Variants in CELF2 observed in about 807,000 individuals in gnomAD.
CELF2 encodes the protein CUG triplet repeat RNA-binding protein 2.
Under a neutral mutation model 62.6 loss-of-function variants are expected in CELF2, and 8 were observed. The ratio of observed to expected loss-of-function variants is 0.13; its 90% CI spans 0.07 to 0.23. CELF2 has a LOEUF of 0.23. Among genes scored for constraint, CELF2 ranks in the 10% least tolerant of loss-of-function variants. The probability of loss-of-function intolerance (pLI) is 1.00; values close to 1 mark genes in which losing one functional copy is unlikely to be tolerated. For missense variants in CELF2, 333 were observed against 671.0 expected, an observed-to-expected ratio of 0.50 and a Z score of 5.56; for synonymous variants, 258 against 250.0, an observed-to-expected ratio of 1.03 and a Z score of -0.30.
intron 3 of CELF2, among the ~76,000 whole-genome samples, chr10:11,240,163 A>G (rs57008781): frequency 1.3e-5 from 2 of 152,358 alleles, no homozygotes; most frequent in African/African-American, 4.8e-5. Flanking sequence ...TGCCTCCATC[A>G]TGGAATTGGC....
At chr10:10,539,050 T>C in the CELF2 span, among the ~76,000 whole-genome samples, 1 of 152,232 alleles carries the variant, frequency 6.6e-6, no homozygotes. Context: ...ATCCAGATGC[T>C]TTATGAAATG....
chr10:10,730,386 A>C, the CELF2 span, among the ~76,000 whole-genome samples: 2 of 152,214 alleles, frequency 1.3e-5, no homozygotes, highest in African/African-American at 4.8e-5. Flanking sequence ...CTGAGGCAGG[A>C]GAATCGCTTG....
At position 11,332,883 on chromosome 10, in the gene CELF2, T is replaced by C. The variant is rs1473653874; in HGVS notation, c.*3830T>C. 6.5e-6 allele frequency: 1 copy of C among 152,672 alleles called. No homozygotes were observed. The highest frequency in any genetic ancestry group is 1.5e-5 in the Non-Finnish European group (1 of 68,046). 9.5% of individuals were successfully genotyped at this position (152,672 alleles called of 1,614,324 possible). The stretch of plus-strand genomic sequence containing the variant: ...CCTCTGAGGGCTATTTTGTACTTTC[T>C]GCAGCAATCAGCTTAATAACAACAC... On this transcript the variant is annotated 3_prime_UTR_variant, in exon 13 of 13. Transcript: ENST00000633077.
chr10:10,977,489 T>C (rs1416847886), intron 2 of CELF2, among the ~76,000 whole-genome samples: 1 of 152,204 alleles, frequency 6.6e-6, no homozygotes, highest in East Asian at 1.9e-4. Flanking sequence ...AAACCCAGAA[T>C]GTCAGTTGGG....
chr10:10,502,387 T>A, the CELF2 span, among the ~76,000 whole-genome samples: 2 of 152,014 alleles, frequency 1.3e-5, no homozygotes, highest in Non-Finnish European at 2.9e-5. Context: ...AATTCTCCAA[T>A]GAAACCCTCT....
chr10:11,132,072 T>C (rs1013490647), intron 1 of CELF2, among the ~76,000 whole-genome samples: 7 of 152,246 alleles, frequency 4.6e-5, no homozygotes, highest in African/African-American at 1.7e-4. Flanking sequence ...TCTGTGCACA[T>C]GTGTGCCCAA....
At chr10:10,579,755 A>G in the CELF2 span, among the ~76,000 whole-genome samples, 8 of 152,148 alleles carry the variant, frequency 5.3e-5, no homozygotes, top group Middle Eastern at 3.2e-3. Context: ...GGAAATATTA[A>G]CTATCTGATA....
At chr10:10,940,226 A>G (rs749790981) in intron 2 of CELF2, among the ~76,000 whole-genome samples, 2 of 152,182 alleles carry the variant, frequency 1.3e-5, no homozygotes, top group Admixed American at 6.5e-5. Context: ...TTTCACATCA[A>G]TAGTTATACC....
chr10:11,176,809 C>T (rs2071334133), intron 2 of CELF2, among the ~76,000 whole-genome samples: 1 of 152,136 alleles, frequency 6.6e-6, no homozygotes, highest in Non-Finnish European at 1.5e-5. Context: ...GTAATTTTTT[C>T]AATGTTTATC....
At chr10:10,613,911 C>T in the CELF2 span, among the ~76,000 whole-genome samples, 2 of 152,122 alleles carry the variant, frequency 1.3e-5, no homozygotes, top group South Asian at 2.1e-4. Flanking sequence ...ATTGCTCCTT[C>T]CTGGAAGGTG....
At chr10:10,930,299 C>A (rs1319777173) in intron 2 of CELF2, among the ~76,000 whole-genome samples, 2 of 152,258 alleles carry the variant, frequency 1.3e-5, no homozygotes, top group East Asian at 3.9e-4. Context: ...GATTTTGATA[C>A]CCTATTTGGC....
chr10:10,635,011 C>G, the CELF2 span, among the ~76,000 whole-genome samples: 1 of 152,168 alleles, frequency 6.6e-6, no homozygotes, highest in Non-Finnish European at 1.5e-5. Flanking sequence ...GGAGGCCACA[C>G]AGCAGAAGAG....
chr10:11,016,443 C>T (rs1372876654), upstream of CELF2, among the ~76,000 whole-genome samples: 2 of 152,160 alleles, frequency 1.3e-5, no homozygotes, highest in South Asian at 2.1e-4. The surrounding 1 kb of genome is among the most constrained non-coding windows in gnomAD (Gnocchi z 5.2). Context: ...GCAACCAAGT[C>T]CATTAAGCAT....
chr10:10,823,145 G>A (rs2057104505), intron 1 of CELF2, among the ~76,000 whole-genome samples: 1 of 152,118 alleles, frequency 6.6e-6, no homozygotes, highest in Non-Finnish European at 1.5e-5. Context: ...ATCACAATTA[G>A]AAAGGACTTT....
chr10:11,055,263 G>C (rs2064968486), intron 1 of CELF2, among the ~76,000 whole-genome samples: 1 of 152,192 alleles, frequency 6.6e-6, no homozygotes, highest in African/African-American at 2.4e-5. Flanking sequence ...AAAGCAGATA[G>C]GTAGACTATA....
intron 1 of CELF2, among the ~76,000 whole-genome samples, chr10:11,021,984 T>A (rs1459953503): frequency 6.6e-6 from 1 of 152,172 alleles, no homozygotes. Context: ...TAATTAAAAA[T>A]CTTTTTGGTT....
At chr10:10,992,515 G>A (rs927454506) in intron 2 of CELF2, among the ~76,000 whole-genome samples, 14 of 152,182 alleles carry the variant, frequency 9.2e-5, no homozygotes, top group Admixed American at 9.2e-4. Context: ...GATCGAAGGA[G>A]GGCGCAAAGA....
At chr10:10,629,928 A>G in the CELF2 span, among the ~76,000 whole-genome samples, 3,895 of 145,570 alleles carry the variant, frequency 0.027, 135 homozygotes, top group Admixed American at 0.081. Flanking sequence ...ATAGCCTATT[A>G]GATGTCTTGC....
the CELF2 span, among the ~76,000 whole-genome samples, chr10:10,633,698 T>G: frequency 8.4e-6 from 1 of 118,596 alleles, no homozygotes; most frequent in South Asian, 4.4e-4. Context: ...TTGAGATTAT[T>G]GAGTATGTCT....
Sources: allele counts gnomAD v4.1 joint callset (sites outside exome capture counted in the v4.1 genomes callset), GRCh38; gene constraint gnomAD v4.1.1; non-coding constraint Gnocchi (gnomAD v3.1); transcripts MANE v1.5; gene names NCBI Gene and HGNC (gene_info 2026-07-23, HGNC 2026-07-21).